NEFM: variants seen among roughly 807,000 people sequenced by gnomAD.
NEFM encodes neurofilament medium chain.
NEFM carries 16 observed loss-of-function variants against 48.1 expected under a neutral mutation model. The ratio of observed to expected loss-of-function variants is 0.33; its 90% CI spans 0.23 to 0.51. The LOEUF is 0.51. Among genes scored for constraint, NEFM ranks in the 20% least tolerant of loss-of-function variants. The pLI is 0.98. For synonymous variants in NEFM, 465 were observed against 456.9 expected (o/e 1.02, Z -0.23); for missense variants, 1,107 against 1,136.0 (o/e 0.97, Z 0.37).
chr8:24,914,126 C>T lies in NEFM; in HGVS notation c.333C>T (p.Arg111=), dbSNP rs767268453. 1.9e-6 allele frequency: 3 copies of T among 1,612,974 alleles called. No homozygotes were observed. Among genetic ancestry groups the T allele is most frequent in the African/African-American group, 2.7e-5 (2 of 74,950 alleles). Residue 111 remains arginine, a synonymous_variant, in exon 1 of 3, where the codon CGC becomes CGT. Transcript: ENST00000221166. ...EKEQLQGLND[R]FAGYIEKVHY... ...AGCAGCTGCAGGGGCTGAACGACCG[C>T]TTTGCCGGCTACATAGAGAAGGTGC...
intron 1 of NEFM, chr8:24,915,366 G>A: frequency 9.1e-7 from 1 of 1,094,708 alleles, no homozygotes. Flanking sequence ...ACTGGTCTCC[G>A]TGCGTGATGT....
At position 24,913,850 on chromosome 8, in the gene NEFM, G is replaced by A. The variant is rs1429959516; in HGVS notation, c.57G>A (p.Glu19=). The A allele has an allele frequency of 3.7e-6, 6 of 1,607,058 alleles. No homozygotes were observed. Among genetic ancestry groups the A allele is most frequent in the Middle Eastern group, 1.7e-4 (1 of 5,996 alleles). ...GNPSAYRRVT[E]TRSSFSRVSG... Reference sequence around the variant, plus strand: ...CGTCCGCCTACCGGCGGGTAACCGAGACCCGCTCGAGCTTCAGCCGCGTCA... The same window carrying A: ...CGTCCGCCTACCGGCGGGTAACCGAAACCCGCTCGAGCTTCAGCCGCGTCA... The change falls in exon 1 of 3, where the codon GAG becomes GAA. Residue 19 remains glutamate (E), a synonymous_variant. Coordinates refer to ENST00000221166, the MANE Select transcript of NEFM (RefSeq NM_005382.2).
Position 24,914,171 on chromosome 8 carries a change from T to C in NEFM, c.378T>C (p.Asn126=). ...IEKVHYLEQQ[N]KEIEAEIQAL... is the part of the protein sequence containing the mutation. ...AGGTGCACTACCTGGAGCAGCAGAA[T>C]AAGGAGATTGAGGCGGAGATCCAGG... is the stretch of plus-strand genomic sequence containing the variant. Residue 126 remains asparagine, a synonymous_variant, in exon 1 of 3, where the codon AAT becomes AAC. Coordinates refer to ENST00000221166, the MANE Select transcript of NEFM (RefSeq NM_005382.2). 1 of 1,612,570 alleles carries C rather than the reference T, an allele frequency of 6.2e-7. No individual in the cohort carries two copies. The highest frequency in any genetic ancestry group is 8.5e-7 in the Non-Finnish European group (1 of 1,179,624).
At position 24,919,040 on chromosome 8, in the gene NEFM, C is replaced by T. The variant is rs1308492640; in HGVS notation, c.*434C>T. 1.5e-5 allele frequency: 3 copies of T among 194,348 alleles called. No homozygotes were observed. The highest frequency in any genetic ancestry group is 5.4e-5 in the Admixed American group (1 of 18,552). 12.0% of individuals were successfully genotyped at this position (194,348 alleles called of 1,614,324 possible). A position where few individuals can be genotyped will look rare whatever the true frequency, so the allele number is the denominator to read the frequency against. ...GCACAGTTTGCAATCTTATGTTGAT[C>T]GATGTTAAACGTCACAGCAGTACTT... On this transcript the variant is annotated 3_prime_UTR_variant, in exon 3 of 3. Transcript: ENST00000221166.
intron 1 of NEFM, 127 bp downstream of exon 1, chr8:24,915,000 C>T: frequency 7.1e-7 from 1 of 1,413,760 alleles, no homozygotes; most frequent in Non-Finnish European, 9.1e-7. Flanking sequence ...GCACGCGCGC[C>T]GCAGACCTAG....
intron 2 of NEFM, 25 bp from the exon 3 acceptor site, chr8:24,917,036 T>C: frequency 6.2e-7 from 1 of 1,607,530 alleles, no homozygotes; most frequent in South Asian, 1.1e-5. Flanking sequence ...TTACTATGTC[T>C]TATGTTCTTG....
In NEFM at chr8:24,915,081, C is replaced by CT. The variant is rs1421102514; in HGVS notation, c.1080+209dup. 4 of 1,377,208 alleles carry CT rather than the reference C, an allele frequency of 2.9e-6. No homozygotes were observed. In the African/African-American group the frequency reaches 6.1e-5, roughly 21 times the overall value. 85.3% of individuals were successfully genotyped at this position (1,377,208 alleles called of 1,614,324 possible). ...CGCCCCCACCCACCTGCCCCAGCTG[C>CT]TAAGGGTCTTGACCTTTTTCAGAAA... On this transcript the variant is annotated intron_variant, in intron 1 of 2. Coordinates refer to ENST00000221166, the MANE Select transcript of NEFM (RefSeq NM_005382.2).
At position 24,913,848 on chromosome 8, in the gene NEFM, G is replaced by T; in HGVS notation, c.55G>T (p.Glu19Ter). The T allele has an allele frequency of 6.2e-7, 1 of 1,605,404 alleles. No individual in the cohort carries two copies. The highest frequency in any genetic ancestry group is 8.5e-7 in the Non-Finnish European group (1 of 1,176,872). The change falls in exon 1 of 3, where the codon GAG (glutamate) becomes TAG (stop). Residue 19 changes from glutamate to a stop codon, truncating the protein, a stop_gained. Coordinates refer to ENST00000221166, the MANE Select transcript of NEFM (RefSeq NM_005382.2). LOFTEE classifies it high-confidence loss of function. The part of the protein sequence containing the change: ...GNPSAYRRVT[E>*]TRSSFSRVSG... ...CCCGTCCGCCTACCGGCGGGTAACCGAGACCCGCTCGAGCTTCAGCCGCGT... is the reference window on the plus strand; with the variant it reads ...CCCGTCCGCCTACCGGCGGGTAACCTAGACCCGCTCGAGCTTCAGCCGCGT...
At position 24,914,441 on chromosome 8, in the gene NEFM, C is replaced by G; in HGVS notation, c.648C>G (p.Val216=). The G allele has an allele frequency of 6.2e-7, 1 of 1,613,760 alleles. No individual in the cohort carries two copies. Among genetic ancestry groups the G allele is most frequent in the Non-Finnish European group, 8.5e-7 (1 of 1,180,010 alleles). The stretch of plus-strand genomic sequence containing the variant: ...AAGACATCGAGGAGGCGTCGCTGGT[C>G]AAGGTGGAGCTGGACAAGAAGGTGC... ...LRKDIEEASL[V]KVELDKKVQS... Residue 216 remains valine, a synonymous_variant, in exon 1 of 3, where the codon GTC becomes GTG. Coordinates refer to ENST00000221166, the MANE Select transcript of NEFM (RefSeq NM_005382.2).
At position 24,917,221 on chromosome 8, in the gene NEFM, A is replaced by G. The variant is rs1482265457; in HGVS notation, c.1366A>G (p.Ile456Val). The stretch of plus-strand genomic sequence containing the variant: ...GGTCCAACACAAATTTGTCGAGGAG[A>G]TCATAGAGGAAACCAAAGTGGAGGA... ...LKVQHKFVEEIIEETKVEDEK... is the reference protein window; with the variant it reads ...LKVQHKFVEEVIEETKVEDEK... The change falls in exon 3 of 3, where the codon ATC (isoleucine) becomes GTC (valine). Residue 456 changes from isoleucine (I) to valine (V), a missense_variant. Ile to Val is a conservative substitution (Grantham distance 29, BLOSUM62 3). This residue lies in a region of NEFM where 917 missense variants were observed against 916.4 expected (regional missense o/e 1.00). Coordinates refer to ENST00000221166, the MANE Select transcript of NEFM (RefSeq NM_005382.2). The G allele has an allele frequency of 1.9e-6, 3 of 1,614,012 alleles. No individual in the cohort carries two copies. The African/African-American group carries it at 4.0e-5, about 22-fold the overall frequency.
chr8:24,915,735 A>G lies in NEFM; in HGVS notation c.1205+6A>G, dbSNP rs1335853219. ...ATAGAAATCGCTGCGTACAGGTACG[A>G]TGCTTACTACGTGCGTGGCCGGAAC... On this transcript the variant is annotated splice_donor_region_variant and intron_variant, in intron 2 of 2. Coordinates refer to ENST00000221166, the MANE Select transcript of NEFM (RefSeq NM_005382.2). The G allele has an allele frequency of 6.2e-7, 1 of 1,614,082 alleles. No individual in the cohort carries two copies. The highest frequency in any genetic ancestry group is 2.2e-5 in the East Asian group (1 of 44,872).
rs866286220 is a variant in NEFM, at chr8:24,913,846, C to A, written c.53C>A (p.Thr18Asn). ...AACCCGTCCGCCTACCGGCGGGTAA[C>A]CGAGACCCGCTCGAGCTTCAGCCGC... Reference protein sequence around the residue: ...LGNPSAYRRVTETRSSFSRVS... With the variant: ...LGNPSAYRRVNETRSSFSRVS... Residue 18 changes from threonine to asparagine, a missense_variant, in exon 1 of 3, where the codon ACC becomes AAC. Transcript: ENST00000221166. The A allele has an allele frequency of 1.2e-6, 2 of 1,603,316 alleles. No homozygotes were observed. The highest frequency in any genetic ancestry group is 1.7e-6 in the Non-Finnish European group (2 of 1,175,940).
At position 24,918,193 on chromosome 8, in the gene NEFM, G is replaced by GA. The variant is rs1448583433; in HGVS notation, c.2339dup (p.Gly782ArgfsTer3). 1 of 1,552,686 alleles carries GA rather than the reference G, an allele frequency of 6.4e-7. No individual in the cohort carries two copies. Among genetic ancestry groups the GA allele is most frequent in the Non-Finnish European group, 8.7e-7 (1 of 1,147,756 alleles). On this transcript the variant is annotated frameshift_variant, in exon 3 of 3. Transcript: ENST00000221166. LOFTEE classifies it high-confidence loss of function. ...GAAAGAGAAGGAGAAAGCGGGAGGA[G>GA]AGGGAGGAAGTGAGGAGGAAGGGAG... is the stretch of plus-strand genomic sequence containing the variant.
At position 24,918,116 on chromosome 8, in the gene NEFM, A is replaced by G. The variant is rs761162958; in HGVS notation, c.2261A>G (p.Lys754Arg). The G allele has an allele frequency of 9.0e-6, 14 of 1,551,738 alleles. No homozygotes were observed. Among genetic ancestry groups the G allele is most frequent in the Admixed American group, 2.0e-5 (1 of 50,998 alleles). Residue 754 changes from lysine to arginine, a missense_variant, in exon 3 of 3, where the codon AAG (lysine) becomes AGG (arginine). By Grantham distance (26) the Lys-to-Arg change is conservative. Transcript: ENST00000221166. The stretch of plus-strand genomic sequence containing the variant: ...GTGGTCACCATCACCAAATCGGTAA[A>G]GGTGCACTTGGAGAAAGAGACCAAA... ...AEVVTITKSVKVHLEKETKEE... is the reference protein window; with the variant it reads ...AEVVTITKSVRVHLEKETKEE...
chr8:24,917,401 A>G lies in NEFM; in HGVS notation c.1546A>G (p.Thr516Ala), dbSNP rs762788957. 1 of 1,568,156 alleles carries G rather than the reference A, an allele frequency of 6.4e-7. No homozygotes were observed. Among genetic ancestry groups the G allele is most frequent in the Non-Finnish European group, 8.6e-7 (1 of 1,156,140 alleles). ...VAAKKSPVKATAPEVKEEEGE... is the reference protein window; with the variant it reads ...VAAKKSPVKAAAPEVKEEEGE... ...TGCCAAAAAGTCTCCAGTGAAAGCA[A>G]CTGCACCTGAAGTTAAAGAAGAGGA... The change falls in exon 3 of 3, where the codon ACT becomes GCT. Residue 516 changes from threonine to alanine, a missense_variant. Around this residue, in one of 3 missense-constraint regions of NEFM, gnomAD observed 917 missense variants for 916.4 expected, o/e 1.00. Coordinates refer to ENST00000221166, the MANE Select transcript of NEFM (RefSeq NM_005382.2).
intron 1 of NEFM, 28 bp from the exon 2 acceptor site, chr8:24,915,577 C>G (rs1302866808): frequency 1.2e-6 from 2 of 1,613,800 alleles, no homozygotes; most frequent in African/African-American, 1.3e-5. Context: ...AAGGATGAGT[C>G]TGGGGAGATT....
In NEFM at chr8:24,914,812, C is replaced by G; in HGVS notation, c.1019C>G (p.Ser340Cys). 1 of 1,603,824 alleles carries G rather than the reference C, an allele frequency of 6.2e-7. No homozygotes were observed. The highest frequency in any genetic ancestry group is 8.5e-7 in the Non-Finnish European group (1 of 1,175,928). ...ELESVRGTKE[S>C]LERQLSDIEE... Reference sequence around the variant, plus strand: ...GAGTCGGTGCGCGGCACCAAGGAGTCCCTGGAGCGGCAGCTCAGCGACATC... The same window carrying G: ...GAGTCGGTGCGCGGCACCAAGGAGTGCCTGGAGCGGCAGCTCAGCGACATC... The change falls in exon 1 of 3, where the codon TCC (serine) becomes TGC (cysteine). Residue 340 changes from serine to cysteine, a missense_variant. Around this residue, in one of 3 missense-constraint regions of NEFM, gnomAD observed 917 missense variants for 916.4 expected, o/e 1.00. Transcript: ENST00000221166.
In NEFM at chr8:24,914,423, C is replaced by A; in HGVS notation, c.630C>A (p.Ile210=). 2 of 1,613,660 alleles carry A rather than the reference C, an allele frequency of 1.2e-6. No homozygotes were observed. The highest frequency in any genetic ancestry group is 1.7e-6 in the Non-Finnish European group (2 of 1,180,004). ...CCATCCGCGCGCTGCGCAAAGACAT[C>A]GAGGAGGCGTCGCTGGTCAAGGTGG... The part of the protein sequence containing the change: ...EAAIRALRKD[I]EEASLVKVEL... The change falls in exon 1 of 3, where the codon ATC becomes ATA. Residue 210 remains isoleucine (I), a synonymous_variant. Coordinates refer to ENST00000221166, the MANE Select transcript of NEFM (RefSeq NM_005382.2).
In NEFM at chr8:24,917,301, T is replaced by C; in HGVS notation, c.1446T>C (p.Val482=). 1 of 1,613,958 alleles carries C rather than the reference T, an allele frequency of 6.2e-7. No individual in the cohort carries two copies. The highest frequency in any genetic ancestry group is 8.5e-7 in the Non-Finnish European group (1 of 1,180,010). Residue 482 remains valine (V), a synonymous_variant, in exon 3 of 3, where the codon GTT becomes GTC. Transcript: ENST00000221166. The part of the protein sequence containing the change: ...ALTAITEELA[V]SMKEEKKEAA... ...CAGCCATTACAGAGGAATTGGCCGTTTCCATGAAGGAAGAGAAGAAAGAAG... is the reference window on the plus strand; with the variant it reads ...CAGCCATTACAGAGGAATTGGCCGTCTCCATGAAGGAAGAGAAGAAAGAAG...
Sources: allele counts gnomAD v4.1 joint callset, GRCh38; gene constraint gnomAD v4.1.1; regional missense constraint gnomAD v4.1.1; transcripts MANE v1.5; gene names NCBI Gene and HGNC (gene_info 2026-07-23, HGNC 2026-07-21).